The following MACROD2 variants were observed in gnomAD, a reference collection of about 807,000 sequenced individuals.
MACROD2 encodes mono-ADP ribosylhydrolase 2, also known as ADP-ribose glycohydrolase MACROD2.
Under a neutral mutation model 70.4 loss-of-function variants are expected in MACROD2, and 36 were observed. That is an observed-to-expected ratio of 0.51 (90% confidence interval 0.39 to 0.68). MACROD2 has a LOEUF of 0.68. MACROD2 is among the 30% of genes least tolerant of loss of function. MACROD2 has a pLI of 0.00. For synonymous variants in MACROD2, 172 were observed against 178.8 expected (o/e 0.96, Z 0.30); for missense variants, 496 against 538.4 (o/e 0.92, Z 0.78).
chr20:15,243,856 A>G (rs175314), intron 6 of MACROD2, among the ~76,000 whole-genome samples: 58,559 of 151,358 alleles, frequency 0.39, 11,942 homozygotes, highest in African/African-American at 0.51. Flanking sequence ...AATCTGGGAG[A>G]TGGAGCTTGC....
chr20:14,197,438 C>T (rs1569201980), intron 3 of MACROD2, among the ~76,000 whole-genome samples: 1 of 152,122 alleles, frequency 6.6e-6, no homozygotes, highest in Non-Finnish European at 1.5e-5. Flanking sequence ...AATTTTCTTA[C>T]CAGCTTACTG....
At chr20:14,998,739 T>G (rs2074970470) in intron 5 of MACROD2, among the ~76,000 whole-genome samples, 1 of 152,156 alleles carries the variant, frequency 6.6e-6, no homozygotes, top group Non-Finnish European at 1.5e-5. Flanking sequence ...CAGAGAACTT[T>G]CCATGCCTAG....
intron 5 of MACROD2, among the ~76,000 whole-genome samples, chr20:15,147,885 G>A (rs1806516793): frequency 6.6e-6 from 1 of 151,972 alleles, no homozygotes; most frequent in South Asian, 2.1e-4. Context: ...CAGGAGTAGG[G>A]GTCACAAGGT....
rs1195369350 is a variant in MACROD2 at position 14,326,894 on chromosome 20, C to G, written c.272-166585C>G. The G allele has an allele frequency of 1.2e-6, 2 of 1,613,752 alleles. 1 individual carries two copies. Among genetic ancestry groups the G allele is most frequent in the Non-Finnish European group, 1.7e-6 (2 of 1,179,808 alleles). On this transcript the variant is annotated intron_variant, in intron 3 of 17. Transcript: ENST00000684519. This position sits in a 1 kb window ranked among gnomAD's most constrained non-coding sequence, Gnocchi z 5.5. ...TTGTTCAACAGGTTTCCATCTAGAA[C>G]CAGGCGTTTTAGACTAGTGAGACCT...
chr20:15,932,720 C>G (rs961712113), intron 10 of MACROD2, among the ~76,000 whole-genome samples: 1 of 152,124 alleles, frequency 6.6e-6, no homozygotes, highest in Non-Finnish European at 1.5e-5. Flanking sequence ...TAATATACAG[C>G]CTTCATTGCA....
intron 6 of MACROD2, among the ~76,000 whole-genome samples, chr20:15,395,435 TATTTATC>T (rs1336391113): frequency 6.6e-6 from 1 of 152,212 alleles, no homozygotes; most frequent in Non-Finnish European, 1.5e-5. Context: ...TTCATTTACT[TATTTATC>T]ATTTAATTAA....
At chr20:14,909,275 TA>T (rs2073997087) in intron 5 of MACROD2, among the ~76,000 whole-genome samples, 1 of 152,088 alleles carries the variant, frequency 6.6e-6, no homozygotes, top group Non-Finnish European at 1.5e-5. Flanking sequence ...GATTACTTTC[TA>T]AGAGTGAGAG....
chr20:14,448,533 C>G (rs2084209083), intron 3 of MACROD2, among the ~76,000 whole-genome samples: 1 of 151,770 alleles, frequency 6.6e-6, no homozygotes, highest in Non-Finnish European at 1.5e-5. Context: ...AAAAATTAGC[C>G]AGGCATGGTG....
chr20:15,528,975 C>G (rs1200648483), intron 8 of MACROD2, among the ~76,000 whole-genome samples: 1 of 152,142 alleles, frequency 6.6e-6, no homozygotes. Flanking sequence ...AATTACTGCT[C>G]TAACAAAGAC....
intron 2 of MACROD2, among the ~76,000 whole-genome samples, chr20:14,007,545 T>C (rs1287644770): frequency 1.3e-5 from 2 of 152,186 alleles, no homozygotes; most frequent in South Asian, 2.1e-4. Context: ...TACTAAACAA[T>C]AGGCCCAGGA....
intron 8 of MACROD2, among the ~76,000 whole-genome samples, chr20:15,574,391 A>T (rs2048416818): frequency 6.6e-6 from 1 of 152,122 alleles, no homozygotes; most frequent in African/African-American, 2.4e-5. Flanking sequence ...CTCTCATCTT[A>T]TAAGATAGGG....
At chr20:14,271,579 C>A (rs1490206546) in intron 3 of MACROD2, among the ~76,000 whole-genome samples, 1 of 152,162 alleles carries the variant, frequency 6.6e-6, no homozygotes, top group African/African-American at 2.4e-5. Flanking sequence ...CTCTAAAAAA[C>A]AGAGCGCCTT....
rs1361967171 is a variant in MACROD2 at position 16,051,243 on chromosome 20, T to C, written c.*1367T>C. 2.0e-5 allele frequency: 3 copies of C among 152,244 alleles called. No homozygotes were observed. Among genetic ancestry groups the C allele is most frequent in the Admixed American group, 1.3e-4 (2 of 15,284 alleles). The allele number at this position is 152,244 out of a possible 1,614,324, so 9.4% of individuals were successfully genotyped here. On this transcript the variant is annotated 3_prime_UTR_variant, in exon 18 of 18. Coordinates refer to ENST00000684519, the MANE Select transcript of MACROD2 (RefSeq NM_001351661.2). ...AAGGGCTTTAGAACTAAAACTTACTTATATTGTTTTTCCTTAACAGAGGGA... is the reference window on the plus strand; with the variant it reads ...AAGGGCTTTAGAACTAAAACTTACTCATATTGTTTTTCCTTAACAGAGGGA...
intron 2 of MACROD2, among the ~76,000 whole-genome samples, chr20:14,056,612 G>T (rs774137405): frequency 6.6e-6 from 1 of 151,468 alleles, no homozygotes; most frequent in Non-Finnish European, 1.5e-5. Flanking sequence ...ACTTAAGAGG[G>T]TATTTAAAAA....
intron 2 of MACROD2, among the ~76,000 whole-genome samples, chr20:14,067,128 T>G (rs1279845005): frequency 7.0e-6 from 1 of 143,784 alleles, no homozygotes; most frequent in Non-Finnish European, 1.5e-5. Flanking sequence ...TTAGTGTTTT[T>G]TTTTTTTTTT....
At chr20:15,263,041 T>C (rs774639411) in intron 6 of MACROD2, among the ~76,000 whole-genome samples, 13 of 152,120 alleles carry the variant, frequency 8.5e-5, no homozygotes, top group South Asian at 2.1e-4. Flanking sequence ...GCTTTTTAAT[T>C]TGATGTGCTT....
rs1319994958 is a variant in MACROD2, at chr20:15,334,729, TAA to T, written c.541-96675_541-96674del. Among the ~76,000 whole-genome samples the T allele has an allele frequency of 3.3e-5, 5 of 151,754 alleles. No individual in the cohort carries two copies. In the South Asian group the frequency reaches 6.2e-4, roughly 19 times the overall value. On this transcript the variant is annotated intron_variant, in intron 6 of 17. Transcript: ENST00000684519. ...ATCTATATTTATTTACAAATAGATA[TAA>T]GATTATTGCAATGTATATTATGTTC...
At chr20:14,983,395 G>C (rs561285276) in intron 5 of MACROD2, among the ~76,000 whole-genome samples, 1 of 151,970 alleles carries the variant, frequency 6.6e-6, no homozygotes, top group African/African-American at 2.4e-5. Flanking sequence ...ATGAGAATTG[G>C]GAAGGGCCAG....
intron 3 of MACROD2, among the ~76,000 whole-genome samples, chr20:14,153,020 ATAAAT>A (rs565022204): frequency 6.0e-4 from 91 of 152,354 alleles, no homozygotes; most frequent in African/African-American, 2.0e-3. Context: ...TAGATAAAAA[ATAAAT>A]TAAATGTTAT....
Sources: gnomAD v4.1 joint callset for allele counts (sites outside exome capture counted in the v4.1 genomes callset) on GRCh38, gnomAD v4.1.1 for gene constraint, Gnocchi (gnomAD v3.1) non-coding constraint, MANE v1.5 for transcripts, NCBI Gene and HGNC (gene_info 2026-07-23, HGNC 2026-07-21) for gene names.